Variants in SFRP1 observed in about 807,000 individuals in gnomAD.
The protein encoded by SFRP1 is secreted frizzled-related protein 1.
In SFRP1, 9 loss-of-function variants were observed where a neutral mutation model predicts 25.9. The ratio of observed to expected loss-of-function variants is 0.35; its 90% CI spans 0.21 to 0.61. The LOEUF (loss-of-function observed/expected upper bound fraction) is 0.61. Among genes scored for constraint, SFRP1 ranks in the 20% least tolerant of loss-of-function variants. SFRP1 has a pLI of 0.78. For missense variants in SFRP1, 346 were observed against 418.2 expected (o/e 0.83, Z 1.51); for synonymous variants, 178 against 174.0 (o/e 1.02, Z -0.18).
rs140257457 is a variant in SFRP1, at chr8:41,265,740, A to T, written c.623-251T>A. On this transcript the variant is annotated intron_variant, in intron 2 of 2. Coordinates refer to ENST00000220772, the MANE Select transcript of SFRP1 (RefSeq NM_003012.5). Reference sequence around the variant, plus strand: ...ACCCCATCGCCCAAGCAGCAATTACAGTGTCGGCCATCCTCCCTCATGTCT... The same window carrying T: ...ACCCCATCGCCCAAGCAGCAATTACTGTGTCGGCCATCCTCCCTCATGTCT... Among the ~76,000 whole-genome samples the T allele has an allele frequency of 3.9e-5, 6 of 152,286 alleles. No individual in the cohort carries two copies. In the East Asian group the frequency reaches 1.2e-3, roughly 29 times the overall value.
Position 41,307,043 on chromosome 8 carries a change from TCAGGGCTGGGCACAGCCTCACAGGG to T in SFRP1, c.544+1548_544+1572del, listed in dbSNP as rs1181964639. 8 of 1,430,104 alleles carry T rather than the reference TCAGGGCTGGGCACAGCCTCACAGGG, an allele frequency of 5.6e-6. 1 individual carries two copies. The East Asian group carries it at 7.6e-5, about 14-fold the overall frequency. 88.6% of individuals were successfully genotyped at this position (1,430,104 alleles called of 1,614,324 possible). ...GAAGCCATTGGGAATGGACTCCAGGTCAGGGCTGGGCACAGCCTCACAGGGCAGGGCTGGGCTAATCCCCGCTGGC... is the reference window on the plus strand; with the variant it reads ...GAAGCCATTGGGAATGGACTCCAGGTCAGGGCTGGGCTAATCCCCGCTGGC... On this transcript the variant is annotated intron_variant, in intron 1 of 2. Transcript: ENST00000220772.
chr8:41,308,566 G>C, intron 1 of SFRP1, 50 bp downstream of exon 1: 1 of 1,444,270 alleles, frequency 6.9e-7, no homozygotes, highest in Non-Finnish European at 9.4e-7. Flanking sequence ...TGCAGCTCCG[G>C]CCGGGGGATG....
At chr8:41,267,643 C>T (rs1425221456) in intron 2 of SFRP1, among the ~76,000 whole-genome samples, 2 of 152,202 alleles carry the variant, frequency 1.3e-5, no homozygotes, top group Non-Finnish European at 2.9e-5. Context: ...TAAGTATTTT[C>T]CGTGCATTTC....
chr8:41,269,025 T>C, intron 2 of SFRP1, among the ~76,000 whole-genome samples: 1 of 152,222 alleles, frequency 6.6e-6, no homozygotes, highest in Non-Finnish European at 1.5e-5. Context: ...CAGGGCACCA[T>C]CCGACTGCAG....
chr8:41,288,563 A>C (rs1803737621), intron 2 of SFRP1, among the ~76,000 whole-genome samples: 1 of 138,146 alleles, frequency 7.2e-6, no homozygotes, highest in African/African-American at 2.7e-5. Flanking sequence ...AAAAAAAAAA[A>C]AAAAACTGCA....
chr8:41,306,710 G>A (rs778833088), intron 1 of SFRP1: 4 of 1,597,390 alleles, frequency 2.5e-6, no homozygotes, highest in Non-Finnish European at 3.4e-6. Context: ...CCTGTCTTGG[G>A]AGGGTGACTA....
chr8:41,295,318 G>C (rs1247635607), intron 2 of SFRP1, among the ~76,000 whole-genome samples: 1 of 151,396 alleles, frequency 6.6e-6, no homozygotes, highest in Non-Finnish European at 1.5e-5. Context: ...CCAAGATCAC[G>C]CAACTGCATT....
chr8:41,288,622 C>T (rs975892008), intron 2 of SFRP1, among the ~76,000 whole-genome samples: 2 of 148,726 alleles, frequency 1.3e-5, no homozygotes, highest in Non-Finnish European at 3.0e-5. Flanking sequence ...CATGTCTACA[C>T]ACCAGCTCTG....
intron 2 of SFRP1, among the ~76,000 whole-genome samples, chr8:41,277,770 TA>T (rs1018004681): frequency 1.1e-4 from 16 of 152,076 alleles, no homozygotes; most frequent in Non-Finnish European, 1.9e-4. Flanking sequence ...ACCACCTAAT[TA>T]AAAAAATGTT....
rs1803398589 is a variant in SFRP1 at position 41,263,507 on chromosome 8, T to G, written c.*1660A>C. 1 of 152,252 alleles carries G rather than the reference T, an allele frequency of 6.6e-6. No individual in the cohort carries two copies. The highest frequency in any genetic ancestry group is 1.5e-5 in the Non-Finnish European group (1 of 68,068). 9.4% of individuals were successfully genotyped at this position (152,252 alleles called of 1,614,324 possible). ...TACCATCCTTTCCTCCGGGTCAGGC[T>G]AGGGCCGCAGGGGGCCACTTTACAG... On this transcript the variant is annotated 3_prime_UTR_variant, in exon 3 of 3. Transcript: ENST00000220772.
intron 2 of SFRP1, among the ~76,000 whole-genome samples, chr8:41,286,200 G>A (rs1421066608): frequency 2.0e-5 from 3 of 152,052 alleles, no homozygotes; most frequent in South Asian, 2.1e-4. Flanking sequence ...TCCCGACTTC[G>A]AGTAATCATC....
intron 2 of SFRP1, chr8:41,275,190 C>T (rs1052274922): frequency 1.1e-5 from 5 of 453,096 alleles, no homozygotes; most frequent in Middle Eastern, 3.2e-4. Flanking sequence ...CTGCCTGGAA[C>T]CTGCTCCCTG....
intron 2 of SFRP1, among the ~76,000 whole-genome samples, chr8:41,266,504 C>T (rs1033408270): frequency 2.0e-5 from 3 of 151,986 alleles, no homozygotes; most frequent in East Asian, 1.9e-4. Context: ...GTCTCGATCT[C>T]GGCTCACTGC....
intron 2 of SFRP1, among the ~76,000 whole-genome samples, chr8:41,282,839 T>C (rs1803652586): frequency 6.6e-6 from 1 of 152,208 alleles, no homozygotes; most frequent in Non-Finnish European, 1.5e-5. Flanking sequence ...CTGTACAATT[T>C]TAAAGTACTG....
At chr8:41,289,863 G>C (rs1220588050) in intron 2 of SFRP1, among the ~76,000 whole-genome samples, 2 of 152,244 alleles carry the variant, frequency 1.3e-5, no homozygotes, top group Non-Finnish European at 2.9e-5. Flanking sequence ...AGCTCTTCTG[G>C]AGGATAGTGG....
At chr8:41,307,044 C>G in intron 1 of SFRP1, 1 of 1,424,412 alleles carries the variant, frequency 7.0e-7, no homozygotes, top group Non-Finnish European at 9.2e-7. Flanking sequence ...GACTCCAGGT[C>G]AGGGCTGGGC....
At chr8:41,280,812 C>T (rs1048297141) in intron 2 of SFRP1, among the ~76,000 whole-genome samples, 1 of 152,214 alleles carries the variant, frequency 6.6e-6, no homozygotes, top group Non-Finnish European at 1.5e-5. Flanking sequence ...TCAGGGCACA[C>T]ATAGACAGAG....
chr8:41,273,723 G>C (rs1191130009), intron 2 of SFRP1, among the ~76,000 whole-genome samples: 1 of 152,122 alleles, frequency 6.6e-6, no homozygotes, highest in Non-Finnish European at 1.5e-5. Context: ...CCGAACAACT[G>C]TGTGGCAGGC....
intron 2 of SFRP1, among the ~76,000 whole-genome samples, chr8:41,294,338 G>A (rs192191158): frequency 8.5e-5 from 13 of 152,230 alleles, no homozygotes; most frequent in African/African-American, 2.2e-4. Flanking sequence ...GGAAGACACC[G>A]ACGTGGAAAA....
Sources: allele counts gnomAD v4.1 joint callset (sites outside exome capture counted in the v4.1 genomes callset), GRCh38; gene constraint gnomAD v4.1.1; transcripts MANE v1.5; gene names NCBI Gene and HGNC (gene_info 2026-07-23, HGNC 2026-07-21).